The following EPHA5 variants were observed in gnomAD, a reference collection of about 807,000 sequenced individuals.
The protein encoded by EPHA5 is ephrin type-A receptor 5.
A neutral mutation model predicts 105.0 loss-of-function variants in EPHA5; 60 were observed. The observed-to-expected ratio is 0.57, with a 90% CI of 0.46 to 0.71. The LOEUF (loss-of-function observed/expected upper bound fraction) is 0.71, where lower values mean the gene tolerates loss of function less well. EPHA5 is among the 30% of genes least tolerant of loss of function. EPHA5 has a pLI of 0.00. For synonymous variants in EPHA5, 513 were observed against 449.1 expected (o/e 1.14, Z -1.80); for missense variants, 1,218 against 1,274.7 (o/e 0.96, Z 0.68).
intron 8 of EPHA5, among the ~76,000 whole-genome samples, chr4:65,397,102 C>T (rs1721316130): frequency 1.3e-5 from 2 of 152,220 alleles, no homozygotes; most frequent in Admixed American, 1.3e-4. Flanking sequence ...GTCCAATTTG[C>T]AATGGGGACC....
At chr4:65,490,275 G>A in intron 5 of EPHA5, 102 bp downstream of exon 5, 1 of 1,172,380 alleles carries the variant, frequency 8.5e-7, no homozygotes. Flanking sequence ...TCCGGTTGAG[G>A]GAAAATTCTC....
chr4:65,496,368 A>G (rs1453656165), intron 3 of EPHA5, among the ~76,000 whole-genome samples: 2 of 133,726 alleles, frequency 1.5e-5, no homozygotes, highest in Non-Finnish European at 3.2e-5. Flanking sequence ...TCCCAATGCT[A>G]TCCCTCCCCC....
Position 65,332,022 on chromosome 4 carries a change from T to A in EPHA5, c.2896A>T (p.Met966Leu), listed in dbSNP as rs1720667865. The change falls in exon 16 of 17, where the codon ATG (methionine) becomes TTG (leucine). Residue 966 changes from methionine to leucine, a missense_variant. Around this residue, in one of 3 missense-constraint regions of EPHA5, gnomAD observed 971 missense variants for 1,013.5 expected, o/e 0.96. Coordinates refer to ENST00000613740, the MANE Select transcript of EPHA5 (RefSeq NM_001281766.3). ...IKMGRYTEIF[M>L]ENGYSSMDAV... ...TCCATTGAACTGTATCCATTTTCCA[T>A]GAAAATCTCTGTATACCGGCCCATC... is the stretch of plus-strand genomic sequence containing the variant. 2.5e-6 allele frequency: 4 copies of A among 1,611,894 alleles called. No individual in the cohort carries two copies. The highest frequency in any genetic ancestry group is 3.4e-6 in the Non-Finnish European group (4 of 1,178,648).
In EPHA5 at chr4:65,428,572, G is replaced by A. The variant is rs921813569; in HGVS notation, c.1403-8007C>T. Among the ~76,000 whole-genome samples the A allele has an allele frequency of 2.0e-4, 31 of 151,980 alleles. 1 individual carries two copies. Among genetic ancestry groups the A allele is most frequent in the African/African-American group, 7.2e-4 (30 of 41,408 alleles). On this transcript the variant is annotated intron_variant, in intron 5 of 16. Coordinates refer to ENST00000613740, the MANE Select transcript of EPHA5 (RefSeq NM_001281766.3). ...TATGACCTCAGTAAAGTTTTGAAAC[G>A]ACCATTTTACCAAAACCTGGCCTTA...
intron 2 of EPHA5, among the ~76,000 whole-genome samples, chr4:65,603,042 T>C (rs112232388): frequency 9.2e-5 from 14 of 152,208 alleles, no homozygotes; most frequent in African/African-American, 3.1e-4. Context: ...ATTTTGAATA[T>C]TAGCTAACTT....
intron 3 of EPHA5, among the ~76,000 whole-genome samples, chr4:65,572,500 T>G (rs1343286546): frequency 1.3e-5 from 2 of 152,084 alleles, no homozygotes; most frequent in Non-Finnish European, 2.9e-5. Flanking sequence ...ACAAAATAAA[T>G]GGAAAGAATT....
chr4:65,569,987 A>G (rs1217185939), intron 3 of EPHA5, among the ~76,000 whole-genome samples: 3 of 151,760 alleles, frequency 2.0e-5, no homozygotes, highest in Non-Finnish European at 4.4e-5. Flanking sequence ...GTTAGCAACA[A>G]CATATTTACT....
chr4:65,649,469 T>G (rs1204313416), intron 1 of EPHA5, among the ~76,000 whole-genome samples: 1 of 152,196 alleles, frequency 6.6e-6, no homozygotes, highest in Non-Finnish European at 1.5e-5. Flanking sequence ...GCCATCAACA[T>G]TACCTGACAA....
intron 6 of EPHA5, among the ~76,000 whole-genome samples, chr4:65,415,134 T>C (rs1297713784): frequency 1.3e-5 from 2 of 152,190 alleles, no homozygotes; most frequent in African/African-American, 4.8e-5. Flanking sequence ...ACTTTTTATT[T>C]TGATGCCAAC....
At position 65,669,678 on chromosome 4, in the gene EPHA5, G is replaced by C. The variant is rs981677547; in HGVS notation, c.65C>G (p.Pro22Arg). The change falls in exon 1 of 17, where the codon CCC becomes CGC. Residue 22 changes from proline to arginine, a missense_variant. Pro to Arg is a moderately radical substitution (Grantham distance 103). Transcript: ENST00000613740. ...GCCGGCCAGGGACGCTGGGGTGATG[G>C]GGGTGTCGCCGCCGCCGCTTGGGGG... is the stretch of plus-strand genomic sequence containing the variant. ...RRPPSGGGDT[P>R]ITPASLAGCY... 8.2e-6 allele frequency: 11 copies of C among 1,334,874 alleles called. No homozygotes were observed. In the African/African-American group the frequency reaches 1.4e-4, roughly 16 times the overall value. 82.7% of individuals were successfully genotyped at this position (1,334,874 alleles called of 1,614,324 possible). A position where few individuals can be genotyped will look rare whatever the true frequency, so the allele number is the denominator to read the frequency against.
chr4:65,574,153 A>C (rs1308870166), intron 3 of EPHA5: 1 of 1,607,528 alleles, frequency 6.2e-7, no homozygotes, highest in Non-Finnish European at 8.5e-7. Flanking sequence ...CAGGAAGGTG[A>C]GATCTTCGAC....
At chr4:65,599,502 G>C (rs4419521) in intron 3 of EPHA5, among the ~76,000 whole-genome samples, 1 of 151,916 alleles carries the variant, frequency 6.6e-6, no homozygotes, top group African/African-American at 2.4e-5. Flanking sequence ...TACATAAGTT[G>C]TGTGTAGAAT....
chr4:65,531,738 C>T (rs1735819352), intron 3 of EPHA5, among the ~76,000 whole-genome samples: 1 of 150,980 alleles, frequency 6.6e-6, no homozygotes, highest in African/African-American at 2.5e-5. Context: ...AGAGGATATA[C>T]TGAGATGTCT....
chr4:65,413,850 A>T (rs1320456198), intron 7 of EPHA5, among the ~76,000 whole-genome samples: 1 of 152,184 alleles, frequency 6.6e-6, no homozygotes, highest in African/African-American at 2.4e-5. Context: ...ATTTTATGAG[A>T]TCAGATTAGT....
chr4:65,562,990 T>C (rs1373852180), intron 3 of EPHA5, among the ~76,000 whole-genome samples: 1 of 151,694 alleles, frequency 6.6e-6, no homozygotes, highest in African/African-American at 2.4e-5. Flanking sequence ...AATAAATAAA[T>C]AAATAAAATA....
At chr4:65,519,617 T>A (rs1054092669) in intron 3 of EPHA5, among the ~76,000 whole-genome samples, 2 of 152,124 alleles carry the variant, frequency 1.3e-5, no homozygotes, top group Admixed American at 1.3e-4. Context: ...TGTTTGTATA[T>A]TTACAAAACC....
At chr4:65,525,043 T>C (rs1178843276) in intron 3 of EPHA5, among the ~76,000 whole-genome samples, 3 of 151,808 alleles carry the variant, frequency 2.0e-5, no homozygotes, top group African/African-American at 7.2e-5. Context: ...TATCATCTTT[T>C]AAATTTCATG....
chr4:65,598,213 C>T (rs1743371389), intron 3 of EPHA5, among the ~76,000 whole-genome samples: 1 of 152,006 alleles, frequency 6.6e-6, no homozygotes, highest in African/African-American at 2.4e-5. Flanking sequence ...ATTGGCTTCT[C>T]TAATAGTATG....
chr4:65,515,200 C>A (rs1018678514), intron 3 of EPHA5, among the ~76,000 whole-genome samples: 1 of 152,106 alleles, frequency 6.6e-6, no homozygotes, highest in African/African-American at 2.4e-5. Context: ...ACACCTCTGT[C>A]ACTTTATCTA....
Sources: allele counts gnomAD v4.1 joint callset (sites outside exome capture counted in the v4.1 genomes callset), GRCh38; gene constraint gnomAD v4.1.1; regional missense constraint gnomAD v4.1.1; transcripts MANE v1.5; gene names NCBI Gene and HGNC (gene_info 2026-07-23, HGNC 2026-07-21).